Variants in CNTNAP2 observed in about 807,000 individuals in gnomAD.
The protein encoded by CNTNAP2 is contactin associated protein 2, also known as contactin-associated protein-like 2.
A neutral mutation model predicts 155.2 loss-of-function variants in CNTNAP2; 98 were observed. The ratio of observed to expected loss-of-function variants is 0.63; its 90% CI spans 0.54 to 0.75. The LOEUF (loss-of-function observed/expected upper bound fraction) is 0.75, where lower values mean the gene tolerates loss of function less well. CNTNAP2 is among the 30% of genes least tolerant of loss of function. The pLI, the probability that CNTNAP2 is intolerant of heterozygous loss-of-function variation, is 0.00. For synonymous variants in CNTNAP2, 651 were observed against 631.2 expected, an observed-to-expected ratio of 1.03 and a Z score of -0.47; for missense variants, 1,727 against 1,688.1, an observed-to-expected ratio of 1.02 and a Z score of -0.40.
intron 1 of CNTNAP2, among the ~76,000 whole-genome samples, chr7:146,772,718 A>G (rs552985294): frequency 2.4e-3 from 360 of 152,150 alleles, no homozygotes; most frequent in Middle Eastern, 3.4e-3. Flanking sequence ...GTGGCTAGAC[A>G]GGAATAGACA....
intron 14 of CNTNAP2, among the ~76,000 whole-genome samples, chr7:147,909,101 G>A (rs1454765028): frequency 6.6e-6 from 1 of 152,050 alleles, no homozygotes; most frequent in Non-Finnish European, 1.5e-5. Context: ...TTAAATTACA[G>A]ATGCATAAAT....
chr7:147,289,579 T>C (rs2116743715), intron 8 of CNTNAP2, among the ~76,000 whole-genome samples: 1 of 152,300 alleles, frequency 6.6e-6, no homozygotes, highest in East Asian at 1.9e-4. Flanking sequence ...CCTACTAAAG[T>C]TACCTGGTCT....
At chr7:147,582,886 C>G (rs1010382439) in intron 12 of CNTNAP2, among the ~76,000 whole-genome samples, 15 of 152,130 alleles carry the variant, frequency 9.9e-5, no homozygotes, top group African/African-American at 3.4e-4. Flanking sequence ...ATTCATTTAA[C>G]TGCGGACTCT....
intron 1 of CNTNAP2, among the ~76,000 whole-genome samples, chr7:146,692,181 G>T (rs1291772304): frequency 6.6e-6 from 1 of 152,038 alleles, no homozygotes; most frequent in Non-Finnish European, 1.5e-5. Context: ...CTTTTGTCTT[G>T]TAAAAATGCT....
chr7:147,034,371 T>G (rs189974843), intron 3 of CNTNAP2, among the ~76,000 whole-genome samples: 2 of 152,188 alleles, frequency 1.3e-5, no homozygotes, highest in African/African-American at 2.4e-5. Flanking sequence ...ACTTCTTCAG[T>G]GCTCCCCTGC....
chr7:148,196,113 T>G (rs1795273577), intron 18 of CNTNAP2, among the ~76,000 whole-genome samples: 1 of 152,208 alleles, frequency 6.6e-6, no homozygotes, highest in South Asian at 2.1e-4. Flanking sequence ...TTAAAGAGTT[T>G]CTAGGAGAAT....
chr7:146,957,707 T>C (rs1198341596), intron 3 of CNTNAP2, among the ~76,000 whole-genome samples: 1 of 152,174 alleles, frequency 6.6e-6, no homozygotes, highest in Admixed American at 6.5e-5. Context: ...GTTCTCCATG[T>C]CGTGCTTATT....
chr7:147,653,612 A>G (rs1795480476), intron 13 of CNTNAP2, among the ~76,000 whole-genome samples: 1 of 152,124 alleles, frequency 6.6e-6, no homozygotes, highest in Non-Finnish European at 1.5e-5. Flanking sequence ...GCACTAGGGG[A>G]GGAACCACGC....
At chr7:146,426,927 G>A (rs543007151) in intron 1 of CNTNAP2, among the ~76,000 whole-genome samples, 16 of 151,838 alleles carry the variant, frequency 1.1e-4, no homozygotes, top group Admixed American at 3.3e-4. Flanking sequence ...TGAGTTAGCC[G>A]TTCCACAATG....
chr7:147,051,200 AT>A (rs574806036), intron 4 of CNTNAP2, among the ~76,000 whole-genome samples: 32,741 of 147,666 alleles, frequency 0.22, 4,618 homozygotes, highest in African/African-American at 0.39. Context: ...ATATATATAT[AT>A]ATAAATCATT....
At chr7:147,213,963 T>A (rs1038395507) in intron 8 of CNTNAP2, among the ~76,000 whole-genome samples, 1 of 152,062 alleles carries the variant, frequency 6.6e-6, no homozygotes, top group African/African-American at 2.4e-5. Context: ...ATCCTCGTCC[T>A]CAGATGATTG....
At chr7:148,260,364 C>T (rs1881722) in intron 20 of CNTNAP2, among the ~76,000 whole-genome samples, 86,692 of 151,972 alleles carry the variant, frequency 0.57, 25,596 homozygotes, top group East Asian at 0.78. Context: ...ATCAAAGATA[C>T]GAGATCATAC....
At chr7:148,095,230 C>T (rs1474393953) in intron 15 of CNTNAP2, among the ~76,000 whole-genome samples, 1 of 152,134 alleles carries the variant, frequency 6.6e-6, no homozygotes, top group Non-Finnish European at 1.5e-5. Context: ...CAATGTCGTT[C>T]TGCATCAATG....
At chr7:147,678,949 T>A (rs1164593398) in intron 13 of CNTNAP2, among the ~76,000 whole-genome samples, 2 of 151,894 alleles carry the variant, frequency 1.3e-5, no homozygotes, top group African/African-American at 4.8e-5. Flanking sequence ...GGCCACACAA[T>A]GCTACACATT....
intron 15 of CNTNAP2, among the ~76,000 whole-genome samples, chr7:148,032,908 T>C (rs1802505277): frequency 6.6e-6 from 1 of 152,210 alleles, no homozygotes; most frequent in Non-Finnish European, 1.5e-5. Context: ...GAATCATTTA[T>C]ATCATATCAT....
At chr7:147,888,623 G>A (rs1212191350) in intron 13 of CNTNAP2, among the ~76,000 whole-genome samples, 4 of 146,708 alleles carry the variant, frequency 2.7e-5, no homozygotes, top group African/African-American at 4.9e-5. Flanking sequence ...AAGCCAGAAT[G>A]AAAGCAATCC....
chr7:147,330,371 T>C (rs946151029), intron 9 of CNTNAP2, among the ~76,000 whole-genome samples: 1 of 152,126 alleles, frequency 6.6e-6, no homozygotes, highest in African/African-American at 2.4e-5. Context: ...ATGTGTCCGT[T>C]GTGATAAACC....
chr7:147,814,157 TGAAA>T (rs1798229692), intron 13 of CNTNAP2, among the ~76,000 whole-genome samples: 1 of 152,214 alleles, frequency 6.6e-6, no homozygotes, highest in Non-Finnish European at 1.5e-5. Flanking sequence ...AATTTACAGG[TGAAA>T]TACCATTCTA....
intron 4 of CNTNAP2, among the ~76,000 whole-genome samples, chr7:147,067,496 G>T (rs1165810872): frequency 6.6e-6 from 1 of 152,034 alleles, no homozygotes; most frequent in Non-Finnish European, 1.5e-5. Flanking sequence ...CTATTCCAAA[G>T]AATGGTATTT....
Sources: gnomAD v4.1 joint callset for allele counts (sites outside exome capture counted in the v4.1 genomes callset) on GRCh38, gnomAD v4.1.1 for gene constraint, MANE v1.5 for transcripts, NCBI Gene and HGNC (gene_info 2026-07-23, HGNC 2026-07-21) for gene names.